The following COL4A3 variants were observed in gnomAD, a reference collection of about 807,000 sequenced individuals.
The protein encoded by COL4A3 is collagen alpha-3(IV) chain.
In COL4A3, 135 loss-of-function variants were observed where a neutral mutation model predicts 217.4. The observed-to-expected ratio is 0.62, with a 90% confidence interval of 0.54 to 0.72. The LOEUF (loss-of-function observed/expected upper bound fraction) is 0.72. Ranked by LOEUF, COL4A3 falls within the 30% of genes least tolerant of loss-of-function variation. The pLI, the probability that COL4A3 is intolerant of heterozygous loss-of-function variation, is 0.00. For synonymous variants in COL4A3, 690 were observed against 736.3 expected (o/e 0.94, Z 1.02); for missense variants, 1,868 against 2,119.9 (o/e 0.88, Z 2.33).
intron 38 of COL4A3, chr2:227,294,056 C>T (rs1049301063): frequency 3.5e-6 from 1 of 286,156 alleles, no homozygotes. Context: ...CTTTTTCGAA[C>T]CCATTTCTGG....
intron 29 of COL4A3, 107 bp from the exon 30 acceptor site, chr2:227,280,333 C>T: frequency 3.2e-6 from 4 of 1,244,450 alleles, no homozygotes; most frequent in Non-Finnish European, 4.7e-6. Context: ...AAGTTGATGA[C>T]ATGGTAGTGG....
At chr2:227,245,271 A>G (rs1236196481) in intron 5 of COL4A3, among the ~76,000 whole-genome samples, 2 of 151,712 alleles carry the variant, frequency 1.3e-5, no homozygotes, top group Admixed American at 6.6e-5. Flanking sequence ...TTCCACATCC[A>G]TGGATTCAAC....
rs2073402077 is a variant in COL4A3 at position 227,304,052 on chromosome 2, T to C, written c.4061T>C (p.Ile1354Thr). The C allele has an allele frequency of 6.2e-7, 1 of 1,614,104 alleles. No individual in the cohort carries two copies. The change falls in exon 46 of 52, where the codon ATC becomes ACC. Residue 1354 changes from isoleucine (I) to threonine (T), a missense_variant. By Grantham distance (89) the Ile-to-Thr change is moderately conservative (BLOSUM62 -1). Transcript: ENST00000396578. ...VRGDPGTLKI[I>T]SLPGSPGPPG... ...GGAGACCCTGGCACACTTAAGATTA[T>C]CTCCCTTCCAGGAAGCCCAGGGCCA...
At chr2:227,244,925 C>T (rs555692574) in intron 4 of COL4A3, 26 bp from the exon 5 acceptor site, 2 of 1,606,664 alleles carry the variant, frequency 1.2e-6, no homozygotes, top group South Asian at 2.2e-5. Flanking sequence ...TTTTTTGCCA[C>T]CCCCTCCTTT....
At chr2:227,176,253 A>G (rs1466047477) in intron 1 of COL4A3, among the ~76,000 whole-genome samples, 4 of 152,242 alleles carry the variant, frequency 2.6e-5, no homozygotes, top group African/African-American at 9.6e-5. Flanking sequence ...TGCTTAGTAC[A>G]TACAATATCA....
chr2:227,249,839 T>C (rs2069626382), intron 9 of COL4A3, among the ~76,000 whole-genome samples: 1 of 152,234 alleles, frequency 6.6e-6, no homozygotes, highest in Non-Finnish European at 1.5e-5. Context: ...AATAGTAATC[T>C]GAGATATTGA....
At position 227,245,910 on chromosome 2, in the gene COL4A3, T is replaced by C. The variant is rs541435495; in HGVS notation, c.325-44T>C. 5.6e-5 allele frequency: 84 copies of C among 1,487,670 alleles called. No homozygotes were observed. The South Asian group carries it at 9.3e-4, about 16-fold the overall frequency. 92.2% of individuals were successfully genotyped at this position (1,487,670 alleles called of 1,614,324 possible). On this transcript the variant is annotated intron_variant, in intron 5 of 51. Coordinates refer to ENST00000396578, the MANE Select transcript of COL4A3 (RefSeq NM_000091.5). ...ATCTTTTCCCTTGGGTTCAGTGCTGTTTCTTGGGATGACCCTCCTCATTGA... is the reference window on the plus strand; with the variant it reads ...ATCTTTTCCCTTGGGTTCAGTGCTGCTTCTTGGGATGACCCTCCTCATTGA...
intron 1 of COL4A3, among the ~76,000 whole-genome samples, chr2:227,167,478 A>G (rs551513208): frequency 6.6e-6 from 1 of 152,352 alleles, no homozygotes; most frequent in African/African-American, 2.4e-5. Context: ...GTCTCAGGCA[A>G]TAGACCTGGG....
At position 227,295,281 on chromosome 2, in the gene COL4A3, C is replaced by A. The variant is rs1039359574; in HGVS notation, c.3530C>A (p.Ala1177Asp). 1 of 1,613,916 alleles carries A rather than the reference C, an allele frequency of 6.2e-7. No individual in the cohort carries two copies. Among genetic ancestry groups the A allele is most frequent in the Non-Finnish European group, 8.5e-7 (1 of 1,179,860 alleles). ...GEKGETGLLR[A>D]PPGPRGNPGA... ...TTATCTCTTTCAGGTTTATTGAGGG[C>A]CCCTCCAGGCCCAAGAGGGAACCCT... Residue 1177 changes from alanine to aspartate, a missense_variant, in exon 41 of 52, where the codon GCC becomes GAC. Transcript: ENST00000396578.
intron 43 of COL4A3, among the ~76,000 whole-genome samples, chr2:227,300,619 G>A (rs1461531778): frequency 6.6e-6 from 1 of 152,184 alleles, no homozygotes; most frequent in African/African-American, 2.4e-5. Context: ...ATAACTGAGT[G>A]TCTACTCTGT....
At chr2:227,247,515 G>A (rs977876949) in intron 7 of COL4A3, 43 bp from the exon 8 acceptor site, 22 of 1,605,738 alleles carry the variant, frequency 1.4e-5, no homozygotes, top group Non-Finnish European at 1.7e-5. Flanking sequence ...GAGTGTGTGC[G>A]TTTGATATTC....
At chr2:227,226,471 G>GTTTGTT (rs1340351776) in intron 1 of COL4A3, among the ~76,000 whole-genome samples, 3 of 111,910 alleles carry the variant, frequency 2.7e-5, no homozygotes, top group East Asian at 5.9e-4. Flanking sequence ...CTAATGTTAG[G>GTTTGTT]TTTGTTTTTT....
chr2:227,235,219 G>A (rs62277845), intron 1 of COL4A3, among the ~76,000 whole-genome samples: 14,230 of 152,046 alleles, frequency 0.094, 672 homozygotes, highest in Admixed American at 0.15. Flanking sequence ...AGATGCTGCC[G>A]TCTGGGAATC....
chr2:227,293,483 G>A (rs1427353220), intron 38 of COL4A3, among the ~76,000 whole-genome samples, 166 bp downstream of exon 38: 1 of 152,140 alleles, frequency 6.6e-6, no homozygotes, highest in African/African-American at 2.4e-5. Flanking sequence ...CATTAAGAGA[G>A]CCCAATTTTA....
chr2:227,273,936 T>C (rs1025788378), intron 26 of COL4A3, among the ~76,000 whole-genome samples: 1 of 152,234 alleles, frequency 6.6e-6, no homozygotes, highest in Non-Finnish European at 1.5e-5. Flanking sequence ...GGTCATGTTT[T>C]ACTTCTAAAA....
rs2069941937 is a variant in COL4A3 at position 227,253,669 on chromosome 2, G to A, written c.765+31G>A. ...TCTGCGATTTTATGATTAGTGTTGT[G>A]CCTTCCCGTGTCTAGGATGAAGTCC... On this transcript the variant is annotated intron_variant, in intron 13 of 51. Coordinates refer to ENST00000396578, the MANE Select transcript of COL4A3 (RefSeq NM_000091.5). This position sits in a 1 kb window ranked among gnomAD's most constrained non-coding sequence, Gnocchi z 4.4. 1.3e-6 allele frequency: 2 copies of A among 1,568,630 alleles called. No individual in the cohort carries two copies. The highest frequency in any genetic ancestry group is 8.8e-7 in the Non-Finnish European group (1 of 1,138,696).
At position 227,226,998 on chromosome 2, in the gene COL4A3, G is replaced by C. The variant is rs541158815; in HGVS notation, c.88-10970G>C. ...GATGAAATGCAAACTTATGGACATT[G>C]AGATTTAAAGTTTATATAATTTTCA... On this transcript the variant is annotated intron_variant, in intron 1 of 51. Coordinates refer to ENST00000396578, the MANE Select transcript of COL4A3 (RefSeq NM_000091.5). Among the ~76,000 whole-genome samples the C allele has an allele frequency of 6.6e-5, 10 of 152,322 alleles. No individual in the cohort carries two copies. In the South Asian group the frequency reaches 1.4e-3, roughly 22 times the overall value.
At chr2:227,283,627 C>T (rs903375451) in intron 32 of COL4A3, 140 bp from the exon 33 acceptor site, 2 of 708,956 alleles carry the variant, frequency 2.8e-6, no homozygotes, top group African/African-American at 1.8e-5. Flanking sequence ...TAGACTAATA[C>T]AGTAATTGTA....
chr2:227,249,230 A>ATATATATATATTTTTTTTTTTTTTTT, intron 9 of COL4A3, among the ~76,000 whole-genome samples: 1 of 14,692 alleles, frequency 6.8e-5, no homozygotes, highest in Non-Finnish European at 1.2e-4. Context: ...ATATATATAT[A>ATATATATATATTTTTTTTTTTTTTTT]TTTTTTTTTT....
Sources: gnomAD v4.1 joint callset for allele counts (sites outside exome capture counted in the v4.1 genomes callset) on GRCh38, gnomAD v4.1.1 for gene constraint, Gnocchi (gnomAD v3.1) non-coding constraint, MANE v1.5 for transcripts, NCBI Gene and HGNC (gene_info 2026-07-23, HGNC 2026-07-21) for gene names.